Variants in TRIM44 observed in about 807,000 individuals in gnomAD.
TRIM44 encodes tripartite motif-containing protein 44.
TRIM44 carries 13 observed loss-of-function variants against 37.4 expected under a neutral mutation model. The observed-to-expected ratio is 0.35, with a 90% CI of 0.23 to 0.55. TRIM44 has a LOEUF of 0.55. Among genes scored for constraint, TRIM44 ranks in the 20% least tolerant of loss-of-function variants. The pLI is 0.89. For missense variants in TRIM44, 426 were observed against 437.2 expected (o/e 0.97, Z 0.23); for synonymous variants, 175 against 157.2 (o/e 1.11, Z -0.85).
chr11:35,790,078 C>G (rs889844193), intron 4 of TRIM44, among the ~76,000 whole-genome samples: 1 of 152,120 alleles, frequency 6.6e-6, no homozygotes, highest in East Asian at 1.9e-4. Context: ...TTGCTTCTTT[C>G]AGTGCCCGGT....
At chr11:35,685,842 T>G (rs997998544) in intron 2 of TRIM44, among the ~76,000 whole-genome samples, 2 of 152,186 alleles carry the variant, frequency 1.3e-5, no homozygotes, top group Non-Finnish European at 2.9e-5. Flanking sequence ...TTTTGTATTT[T>G]TAGTAGAGAC....
chr11:35,747,107 C>A (rs1852502214), intron 4 of TRIM44, among the ~76,000 whole-genome samples: 1 of 152,128 alleles, frequency 6.6e-6, no homozygotes, highest in African/African-American at 2.4e-5. Flanking sequence ...GGTCTAGATA[C>A]TTTGGGACAG....
intron 2 of TRIM44, among the ~76,000 whole-genome samples, chr11:35,691,983 T>C (rs926569046): frequency 1.3e-5 from 2 of 152,174 alleles, no homozygotes; most frequent in Admixed American, 1.3e-4. Context: ...AGAATAGTTG[T>C]ATAGGTACTT....
chr11:35,772,261 C>T (rs1337640120), intron 4 of TRIM44, among the ~76,000 whole-genome samples: 1 of 152,208 alleles, frequency 6.6e-6, no homozygotes, highest in Non-Finnish European at 1.5e-5. Flanking sequence ...GCGGGGTACT[C>T]ATGGAGAACC....
At chr11:35,697,801 G>A (rs956543193) in intron 2 of TRIM44, among the ~76,000 whole-genome samples, 1 of 152,112 alleles carries the variant, frequency 6.6e-6, no homozygotes, top group Admixed American at 6.5e-5. Context: ...TTTTATGGCT[G>A]CATAGTATTC....
At chr11:35,723,714 A>G (rs141229309) in intron 2 of TRIM44, among the ~76,000 whole-genome samples, 1 of 152,214 alleles carries the variant, frequency 6.6e-6, no homozygotes, top group African/African-American at 2.4e-5. Flanking sequence ...CCACATGTGT[A>G]TGTGAAGTCT....
At chr11:35,724,153 C>T (rs965295487) in intron 2 of TRIM44, 3 of 152,140 alleles carry the variant, frequency 2.0e-5, no homozygotes, top group African/African-American at 7.2e-5. Flanking sequence ...CACTGATGTC[C>T]TTAGTAGTGT....
chr11:35,676,633 A>G (rs1296455507), intron 1 of TRIM44, among the ~76,000 whole-genome samples: 4 of 152,054 alleles, frequency 2.6e-5, no homozygotes, highest in African/African-American at 9.7e-5. Flanking sequence ...GGGACAAGAT[A>G]CTCTTTACTT....
In TRIM44 at chr11:35,737,939, G is replaced by A. The variant is rs967146574; in HGVS notation, c.1007+2494G>A. Among the ~76,000 whole-genome samples, 9 of 152,094 alleles carry A rather than the reference G, an allele frequency of 5.9e-5. No homozygotes were observed. In the South Asian group the frequency reaches 1.5e-3, roughly 25 times the overall value. On this transcript the variant is annotated intron_variant, in intron 4 of 4. Transcript: ENST00000299413. ...ATCAATATCTTCTAGTTACTGGTTC[G>A]GTTTTTATCATTTTCCACAGACCTT...
intron 1 of TRIM44, among the ~76,000 whole-genome samples, chr11:35,668,870 C>T (rs1294517123): frequency 6.6e-6 from 1 of 152,046 alleles, no homozygotes; most frequent in African/African-American, 2.4e-5. Context: ...AGACGTTTGT[C>T]CATTTTATGT....
At position 35,766,942 on chromosome 11, in the gene TRIM44, T is replaced by C. The variant is rs2133863477; in HGVS notation, c.1007+31497T>C. Among the ~76,000 whole-genome samples, 2 of 152,328 alleles carry C rather than the reference T, an allele frequency of 1.3e-5. 1 individual carries two copies. Among genetic ancestry groups the C allele is most frequent in the South Asian group, 4.1e-4 (2 of 4,834 alleles). The stretch of plus-strand genomic sequence containing the variant: ...TTATGTTAGAGATGGAAACAAAGGT[T>C]GATTTTTGGCTTGTCTGACATTTAG... On this transcript the variant is annotated intron_variant, in intron 4 of 4. Coordinates refer to ENST00000299413, the MANE Select transcript of TRIM44 (RefSeq NM_017583.6).
intron 3 of TRIM44, among the ~76,000 whole-genome samples, chr11:35,731,346 A>T (rs191653022): frequency 6.6e-6 from 1 of 151,854 alleles, no homozygotes; most frequent in Non-Finnish European, 1.5e-5. Flanking sequence ...GATCATACGC[A>T]TTTTTTTCAT....
Position 35,663,011 on chromosome 11 carries a change from C to T in TRIM44, c.-101C>T. 2 of 1,429,878 alleles carry T rather than the reference C, an allele frequency of 1.4e-6. No individual in the cohort carries two copies. The highest frequency in any genetic ancestry group is 2.5e-5 in the East Asian group (1 of 39,690). 88.6% of individuals were successfully genotyped at this position (1,429,878 alleles called of 1,614,324 possible). A position where few individuals can be genotyped will look rare whatever the true frequency, so the allele number is the denominator to read the frequency against. On this transcript the variant is annotated 5_prime_UTR_variant, in exon 1 of 5. Transcript: ENST00000299413. ...GGCGCGGTCCAGGCGGGAGGCGACT[C>T]CCTAGGAAGGGACCCGGGGCGGGAG...
intron 4 of TRIM44, among the ~76,000 whole-genome samples, chr11:35,748,498 T>C (rs1852522623): frequency 6.6e-6 from 1 of 152,182 alleles, no homozygotes; most frequent in African/African-American, 2.4e-5. Flanking sequence ...CATAACAGAC[T>C]CAGAGATGTT....
chr11:35,679,844 C>T (rs1851504567), intron 1 of TRIM44, among the ~76,000 whole-genome samples: 1 of 152,164 alleles, frequency 6.6e-6, no homozygotes, highest in Non-Finnish European at 1.5e-5. Flanking sequence ...GTCCATCTTC[C>T]TCATTTACAG....
At position 35,738,909 on chromosome 11, in the gene TRIM44, T is replaced by A. The variant is rs538370781; in HGVS notation, c.1007+3464T>A. On this transcript the variant is annotated intron_variant, in intron 4 of 4. Coordinates refer to ENST00000299413, the MANE Select transcript of TRIM44 (RefSeq NM_017583.6). ...ACTTCTCTACTGCCTACATAGAAGT[T>A]CAAAGAGAATTAGATTCCAACCAGT... is the stretch of plus-strand genomic sequence containing the variant. Among the ~76,000 whole-genome samples the A allele has an allele frequency of 2.0e-5, 3 of 152,248 alleles. No individual in the cohort carries two copies. The South Asian group carries it at 6.2e-4, about 32-fold the overall frequency.
intron 4 of TRIM44, among the ~76,000 whole-genome samples, chr11:35,761,456 C>G (rs1852727477): frequency 6.6e-6 from 1 of 151,932 alleles, no homozygotes. Flanking sequence ...AAATGATTGA[C>G]TAGGACTCAT....
At chr11:35,686,349 G>A (rs939565373) in intron 2 of TRIM44, among the ~76,000 whole-genome samples, 1 of 149,270 alleles carries the variant, frequency 6.7e-6, no homozygotes, top group African/African-American at 2.5e-5. Flanking sequence ...TTATTTTACT[G>A]TAGGTTCTTT....
At chr11:35,695,122 AT>A (rs1407930997) in intron 2 of TRIM44, among the ~76,000 whole-genome samples, 1 of 152,160 alleles carries the variant, frequency 6.6e-6, no homozygotes, top group African/African-American at 2.4e-5. Context: ...TTTATAAACT[AT>A]TTTAGCAATT....
Sources: gnomAD v4.1 joint callset for allele counts (sites outside exome capture counted in the v4.1 genomes callset) on GRCh38, gnomAD v4.1.1 for gene constraint, MANE v1.5 for transcripts, NCBI Gene and HGNC (gene_info 2026-07-23, HGNC 2026-07-21) for gene names.